Variants in DENND10 observed in about 807,000 individuals in gnomAD.
DENND10 encodes the protein DENN domain containing 10, also known as DENN domain-containing protein 10.
Under a neutral mutation model 43.6 loss-of-function variants are expected in DENND10, and 24 were observed. That is an observed-to-expected ratio of 0.55 (90% CI 0.40 to 0.77). DENND10 has a LOEUF of 0.77. Ranked by LOEUF, DENND10 falls within the 30% of genes least tolerant of loss-of-function variation. The probability of loss-of-function intolerance (pLI) is 0.00; values close to 1 mark genes in which losing one functional copy is unlikely to be tolerated. For missense variants in DENND10, 303 were observed against 429.9 expected (o/e 0.70, Z 2.61); for synonymous variants, 125 against 157.6 (o/e 0.79, Z 1.55).
rs779478376 is a variant in DENND10, at chr10:119,123,529, C to A, written c.654C>A (p.His218Gln). 6.2e-7 allele frequency: 1 copy of A among 1,613,640 alleles called. No homozygotes were observed. Among genetic ancestry groups the A allele is most frequent in the South Asian group, 1.1e-5 (1 of 91,082 alleles). ...GGACCATCCTTCACTCTTACGTGCACCTCAACGCCGATGAGCTGGAAGCCC... is the reference window on the plus strand; with the variant it reads ...GGACCATCCTTCACTCTTACGTGCAACTCAACGCCGATGAGCTGGAAGCCC... The part of the protein sequence containing the change: ...QDWTILHSYV[H>Q]LNADELEALQ... The change falls in exon 6 of 9, where the codon CAC becomes CAA. Residue 218 changes from histidine to glutamine, a missense_variant. Coordinates refer to ENST00000361432, the MANE Select transcript of DENND10 (RefSeq NM_207009.4).
intron 7 of DENND10, among the ~76,000 whole-genome samples, chr10:119,130,921 A>G (rs1489952612): frequency 1.3e-5 from 2 of 152,236 alleles, no homozygotes; most frequent in African/African-American, 4.8e-5. Flanking sequence ...TCCATATGCT[A>G]TTTGTTAGAA....
At chr10:119,119,669 C>T (rs1589729185) in intron 4 of DENND10, among the ~76,000 whole-genome samples, 4 of 152,092 alleles carry the variant, frequency 2.6e-5, no homozygotes, top group Admixed American at 2.6e-4. Context: ...CCCACCTTGG[C>T]CTCCCAAAGT....
At chr10:119,133,622 G>A (rs1846179886) in intron 8 of DENND10, 1 of 152,372 alleles carries the variant, frequency 6.6e-6, no homozygotes, top group African/African-American at 2.4e-5. Context: ...TTGAGGTGGA[G>A]AATATTGGGG....
intron 5 of DENND10, among the ~76,000 whole-genome samples, chr10:119,121,965 C>T (rs987849647): frequency 1.3e-5 from 2 of 151,978 alleles, no homozygotes; most frequent in African/African-American, 4.8e-5. Flanking sequence ...TCAGAAAGAC[C>T]TGAGTTAAAA....
chr10:119,135,541 A>G (rs1846286584), intron 8 of DENND10, among the ~76,000 whole-genome samples: 1 of 152,172 alleles, frequency 6.6e-6, no homozygotes, highest in East Asian at 1.9e-4. Context: ...TAATGAAATA[A>G]GCCAGACACT....
intron 2 of DENND10, among the ~76,000 whole-genome samples, chr10:119,111,182 T>A (rs917035837): frequency 1.3e-5 from 2 of 148,502 alleles, no homozygotes; most frequent in African/African-American, 5.0e-5. Flanking sequence ...GCATGAGAAT[T>A]GCTTGAACCC....
chr10:119,115,764 C>CTTTTT (rs112553660), intron 3 of DENND10, among the ~76,000 whole-genome samples: 1 of 119,728 alleles, frequency 8.4e-6, no homozygotes, highest in African/African-American at 3.1e-5. Context: ...TTCAAGTGAT[C>CTTTTT]TTTTTTTTTT....
At chr10:119,116,151 G>A (rs1364725379) in intron 3 of DENND10, among the ~76,000 whole-genome samples, 1 of 152,170 alleles carries the variant, frequency 6.6e-6, no homozygotes, top group Non-Finnish European at 1.5e-5. Flanking sequence ...ACCCAGTCAT[G>A]TTTCTCAAGC....
intron 1 of DENND10, among the ~76,000 whole-genome samples, chr10:119,107,369 G>A (rs1404671451): frequency 6.6e-6 from 1 of 150,942 alleles, no homozygotes; most frequent in Non-Finnish European, 1.5e-5. Context: ...CATTTGTGTG[G>A]GAGGAGATAG....
In DENND10 at chr10:119,104,183, G is replaced by T; in HGVS notation, c.41G>T (p.Gly14Val). The T allele has an allele frequency of 1.3e-6, 2 of 1,523,656 alleles. No homozygotes were observed. Among genetic ancestry groups the T allele is most frequent in the Non-Finnish European group, 1.8e-6 (2 of 1,137,604 alleles). 94.4% of individuals were successfully genotyped at this position (1,523,656 alleles called of 1,614,324 possible). A position where few individuals can be genotyped will look rare whatever the true frequency, so the allele number is the denominator to read the frequency against. The change falls in exon 1 of 9, where the codon GGA (glycine) becomes GTA (valine). Residue 14 changes from glycine (G) to valine (V), a missense_variant. By Grantham distance (109) the Gly-to-Val change is moderately radical. Transcript: ENST00000361432. ...GTGGCGGACACTCAGCTGATGCTTG[G>T]AGTCGGGCTGATCGGTGAGGACGTA... ...AEVADTQLML[G>V]VGLIEKDTNG...
At chr10:119,114,005 T>C (rs751057234) in intron 3 of DENND10, 5 of 152,228 alleles carry the variant, frequency 3.3e-5, no homozygotes, top group Admixed American at 2.0e-4. Flanking sequence ...GTCAGGGTTA[T>C]GTTGCTCAAC....
At chr10:119,129,655 A>G (rs563803020) in intron 7 of DENND10, 33 bp downstream of exon 7, 1 of 1,464,156 alleles carries the variant, frequency 6.8e-7, no homozygotes, top group South Asian at 1.1e-5. Flanking sequence ...GATACAAGAT[A>G]TAAGCCAAAC....
chr10:119,129,079 A>T (rs185059947), intron 6 of DENND10, among the ~76,000 whole-genome samples: 125 of 152,230 alleles, frequency 8.2e-4, no homozygotes, highest in African/African-American at 3.0e-3. Context: ...TCTAACACCA[A>T]TCCCAGAGAT....
At chr10:119,111,780 A>G in intron 2 of DENND10, 69 bp from the exon 3 acceptor site, 1 of 1,202,588 alleles carries the variant, frequency 8.3e-7, no homozygotes, top group Admixed American at 1.8e-5. Flanking sequence ...GGTTTGTTAG[A>G]ATATAGTAAT....
At chr10:119,126,981 C>T (rs1845866758) in intron 6 of DENND10, among the ~76,000 whole-genome samples, 1 of 151,536 alleles carries the variant, frequency 6.6e-6, no homozygotes, top group Non-Finnish European at 1.5e-5. Context: ...TCATTGCAAC[C>T]TCCACTTCCT....
intron 4 of DENND10, among the ~76,000 whole-genome samples, chr10:119,119,229 C>A (rs1165014235): frequency 6.6e-6 from 1 of 152,162 alleles, no homozygotes; most frequent in Non-Finnish European, 1.5e-5. Flanking sequence ...GTCTCGAACT[C>A]CTGACCTCAG....
At chr10:119,116,661 CTTTCTTTTTTTTTTT>C (rs754577663) in intron 3 of DENND10, among the ~76,000 whole-genome samples, 4 of 91,412 alleles carry the variant, frequency 4.4e-5, no homozygotes, top group Admixed American at 1.5e-4. Context: ...TTCTTTCTTT[CTTTCTTTTTTTTTTT>C]TTTTTTTTTT....
At chr10:119,121,363 C>G (rs1845564893) in intron 5 of DENND10, among the ~76,000 whole-genome samples, 1 of 149,642 alleles carries the variant, frequency 6.7e-6, no homozygotes, top group African/African-American at 2.5e-5. Flanking sequence ...CCAGGCTGGT[C>G]TCGATGTCCT....
At chr10:119,104,744 C>T (rs937098031) in intron 1 of DENND10, 1 of 152,272 alleles carries the variant, frequency 6.6e-6, no homozygotes, top group African/African-American at 2.4e-5. Flanking sequence ...GCGCGTTGTA[C>T]ACACATTGTC....
Sources: allele counts gnomAD v4.1 joint callset (sites outside exome capture counted in the v4.1 genomes callset), GRCh38; gene constraint gnomAD v4.1.1; transcripts MANE v1.5; gene names NCBI Gene and HGNC (gene_info 2026-07-23, HGNC 2026-07-21).